The following REDIC1 variants were observed in gnomAD, a reference collection of about 807,000 sequenced individuals.
The protein encoded by REDIC1 is HEI10 Interacting Protein 1.
the REDIC1 span, among the ~76,000 whole-genome samples, chr12:39,864,597 C>A: frequency 1.4e-4 from 21 of 152,282 alleles, 1 homozygote; most frequent in Admixed American, 1.3e-3. Context: ...AGCTATTCCT[C>A]TTCCTAGGGG....
chr12:39,717,794 T>C, the REDIC1 span, among the ~76,000 whole-genome samples: 1 of 152,150 alleles, frequency 6.6e-6, no homozygotes, highest in Non-Finnish European at 1.5e-5. Context: ...TTCTGCCAGA[T>C]TGTCTAAAGT....
At chr12:39,810,621 G>A in the REDIC1 span, among the ~76,000 whole-genome samples, 1 of 152,132 alleles carries the variant, frequency 6.6e-6, no homozygotes, top group East Asian at 1.9e-4. Flanking sequence ...TTTAAGAGAT[G>A]TTATGTATCA....
the REDIC1 span, among the ~76,000 whole-genome samples, chr12:39,753,601 C>T: frequency 6.6e-6 from 1 of 152,230 alleles, no homozygotes; most frequent in Admixed American, 6.5e-5. Context: ...GGACATATGT[C>T]AAAGAAGCCA....
chr12:39,882,331 T>C, the REDIC1 span, among the ~76,000 whole-genome samples: 1 of 152,204 alleles, frequency 6.6e-6, no homozygotes, highest in Admixed American at 6.5e-5. Flanking sequence ...CAGGTGATGC[T>C]GATCCTGCTT....
chr12:39,797,193 G>A, the REDIC1 span, among the ~76,000 whole-genome samples: 1 of 152,274 alleles, frequency 6.6e-6, no homozygotes, highest in East Asian at 1.9e-4. Flanking sequence ...AAGCATGCAA[G>A]CCTGATTTAA....
the REDIC1 span, chr12:39,754,200 A>T: frequency 1.3e-5 from 2 of 152,238 alleles, no homozygotes. Flanking sequence ...AGTGACAAAA[A>T]TGTTTTGAAC....
chr12:39,764,541 A>G, the REDIC1 span: 1 of 1,612,270 alleles, frequency 6.2e-7, no homozygotes, highest in Non-Finnish European at 8.5e-7. Context: ...CCAGATGAAC[A>G]TGCATTTCCT....
At chr12:39,893,869 T>C in the REDIC1 span, among the ~76,000 whole-genome samples, 1 of 152,234 alleles carries the variant, frequency 6.6e-6, no homozygotes, top group African/African-American at 2.4e-5. Context: ...AATTTTTGAA[T>C]TCACAATCCA....
At chr12:39,713,841 A>C in the REDIC1 span, among the ~76,000 whole-genome samples, 1 of 126,088 alleles carries the variant, frequency 7.9e-6, no homozygotes, top group African/African-American at 2.6e-5. Context: ...ATATACACGT[A>C]TATATATGCA....
At chr12:39,904,294 G>T in the REDIC1 span, among the ~76,000 whole-genome samples, 1 of 152,128 alleles carries the variant, frequency 6.6e-6, no homozygotes, top group Non-Finnish European at 1.5e-5. Flanking sequence ...CCAAATGGAA[G>T]GCAGATGTTC....
chr12:39,776,687 G>T, the REDIC1 span, among the ~76,000 whole-genome samples: 1 of 152,176 alleles, frequency 6.6e-6, no homozygotes, highest in African/African-American at 2.4e-5. Flanking sequence ...CTGCTGAGCA[G>T]TATTCTAGAT....
the REDIC1 span, among the ~76,000 whole-genome samples, chr12:39,762,499 T>C: frequency 6.7e-6 from 1 of 148,766 alleles, no homozygotes; most frequent in East Asian, 2.1e-4. Context: ...GGCATATTGG[T>C]GATATAGCAA....
the REDIC1 span, among the ~76,000 whole-genome samples, chr12:39,676,417 A>G: frequency 9.8e-5 from 15 of 152,288 alleles, no homozygotes; most frequent in East Asian, 2.9e-3. Flanking sequence ...ACTAATTAAT[A>G]AAAAATAAAT....
At chr12:39,769,853 A>G in the REDIC1 span, among the ~76,000 whole-genome samples, 2 of 151,484 alleles carry the variant, frequency 1.3e-5, no homozygotes, top group East Asian at 3.9e-4. Flanking sequence ...TCACAGCCCA[A>G]CTCTCCCACC....
the REDIC1 span, among the ~76,000 whole-genome samples, chr12:39,747,224 T>A: frequency 2.6e-5 from 4 of 152,044 alleles, no homozygotes; most frequent in Admixed American, 2.6e-4. Context: ...TGTAGAGAAG[T>A]CCTTAAATGA....
chr12:39,887,445 C>G, the REDIC1 span, among the ~76,000 whole-genome samples: 3 of 152,012 alleles, frequency 2.0e-5, no homozygotes, highest in Non-Finnish European at 2.9e-5. Context: ...GAAAATACAC[C>G]CAGAGCAGGC....
chr12:39,889,843 T>A, the REDIC1 span, among the ~76,000 whole-genome samples: 1 of 152,162 alleles, frequency 6.6e-6, no homozygotes, highest in Admixed American at 6.6e-5. Flanking sequence ...AACAACCTTT[T>A]AAAGGCCAAA....
At chr12:39,848,506 TA>T in the REDIC1 span, among the ~76,000 whole-genome samples, 215 of 152,144 alleles carry the variant, frequency 1.4e-3, 1 homozygote, top group African/African-American at 4.9e-3. Context: ...TGGCTATTAT[TA>T]AAAAGTTAAA....
the REDIC1 span, among the ~76,000 whole-genome samples, chr12:39,683,951 T>C: frequency 6.6e-6 from 1 of 152,178 alleles, no homozygotes; most frequent in African/African-American, 2.4e-5. Context: ...TAAGCAAGCA[T>C]ATCAGCAGTT....
Sources: allele counts gnomAD v4.1 joint callset (sites outside exome capture counted in the v4.1 genomes callset), GRCh38; gene constraint gnomAD v4.1.1; transcripts MANE v1.5; gene names NCBI Gene and HGNC (gene_info 2026-07-23, HGNC 2026-07-21).